Variants in TUT1 observed in about 807,000 individuals in gnomAD.
TUT1 encodes the protein speckle targeted PIP5K1A-regulated poly(A) polymerase.
TUT1 carries 26 observed loss-of-function variants against 48.8 expected under a neutral mutation model. The observed-to-expected ratio is 0.53, with a 90% CI of 0.39 to 0.74. The LOEUF is 0.74. TUT1 is among the 30% of genes least tolerant of loss of function. The pLI, the probability that TUT1 is intolerant of heterozygous loss-of-function variation, is 0.00. For synonymous variants in TUT1, 470 were observed against 460.8 expected, an observed-to-expected ratio of 1.02 and a Z score of -0.26; for missense variants, 1,065 against 1,114.8, an observed-to-expected ratio of 0.96 and a Z score of 0.64.
chr11:62,577,338 A>T, intron 5 of TUT1, 47 bp from the exon 6 acceptor site: 2 of 1,447,324 alleles, frequency 1.4e-6, no homozygotes, highest in South Asian at 2.4e-5. Flanking sequence ...GGATGTCAGA[A>T]CCTACCACCC....
intron 2 of TUT1, among the ~76,000 whole-genome samples, chr11:62,586,045 T>C (rs915172234): frequency 3.9e-5 from 6 of 152,014 alleles, no homozygotes; most frequent in East Asian, 1.9e-4. Flanking sequence ...GAGTTTGCGG[T>C]GAGCTGAGAT....
At chr11:62,580,142 T>C (rs1310294467) in intron 4 of TUT1, among the ~76,000 whole-genome samples, 1 of 151,942 alleles carries the variant, frequency 6.6e-6, no homozygotes, top group Non-Finnish European at 1.5e-5. Flanking sequence ...CTAAACAGAA[T>C]CTGTACATTA....
Position 62,575,494 on chromosome 11 carries a change from C to G in TUT1, c.2225G>C (p.Gly742Ala), listed in dbSNP as rs1941705168. 6.2e-7 allele frequency: 1 copy of G among 1,612,614 alleles called. No individual in the cohort carries two copies. The highest frequency in any genetic ancestry group is 1.3e-5 in the African/African-American group (1 of 74,938). ...HAALAERGPKGHEAAQEWSQG... is the reference protein window; with the variant it reads ...HAALAERGPKAHEAAQEWSQG... ...AGACCATTCTTGGGCTGCCTCATGT[C>G]CCTTGGGCCCCCGCTCTGCCAGGGC... The change falls in exon 9 of 9, where the codon GGA becomes GCA. Residue 742 changes from glycine to alanine, a missense_variant. By Grantham distance (60) the Gly-to-Ala change is moderately conservative (BLOSUM62 0). Transcript: ENST00000476907.
At chr11:62,581,972 C>T (rs1941835147) in intron 2 of TUT1, among the ~76,000 whole-genome samples, 1 of 151,910 alleles carries the variant, frequency 6.6e-6, no homozygotes, top group South Asian at 2.1e-4. Context: ...ATAGTGAGAT[C>T]CCATCTCTAC....
intron 1 of TUT1, among the ~76,000 whole-genome samples, 179 bp from the exon 2 acceptor site, chr11:62,589,400 C>T (rs928688395): frequency 5.3e-5 from 8 of 150,104 alleles, no homozygotes; most frequent in Non-Finnish European, 1.2e-4. Flanking sequence ...ATAGTACATT[C>T]TTTTTTTTTT....
Position 62,576,193 on chromosome 11 carries a change from C to T in TUT1, c.1526G>A (p.Gly509Asp), listed in dbSNP as rs1406644814. The change falls in exon 9 of 9, where the codon GGC (glycine) becomes GAC (aspartate). Residue 509 changes from glycine to aspartate, a missense_variant. Gly to Asp is a moderately conservative substitution (Grantham distance 94, BLOSUM62 -1). Transcript: ENST00000476907. ...FSCVSCWDLR[G>D]SLLSLREGQA... The stretch of plus-strand genomic sequence containing the variant: ...ACCCTCCCGCAGGGACAGCAGGGAG[C>T]CACGAAGATCCCAACAAGATACACA... 6.2e-7 allele frequency: 1 copy of T among 1,607,706 alleles called. No homozygotes were observed. The highest frequency in any genetic ancestry group is 8.5e-7 in the Non-Finnish European group (1 of 1,177,048).
At chr11:62,584,697 G>A (rs548531071) in intron 2 of TUT1, among the ~76,000 whole-genome samples, 3 of 152,112 alleles carry the variant, frequency 2.0e-5, no homozygotes, top group African/African-American at 7.2e-5. Flanking sequence ...ACCTGCCTCG[G>A]CCTCCCAAAG....
In TUT1 at chr11:62,576,620, A is replaced by G. The variant is rs762473505; in HGVS notation, c.1474+37T>C. 5 of 1,562,772 alleles carry G rather than the reference A, an allele frequency of 3.2e-6. No individual in the cohort carries two copies. The Admixed American group carries it at 5.0e-5, about 16-fold the overall frequency. On this transcript the variant is annotated intron_variant, in intron 8 of 8. Coordinates refer to ENST00000476907, the MANE Select transcript of TUT1 (RefSeq NM_022830.3). Reference sequence around the variant, plus strand: ...TATATGTTACCTACTGTTGATGAACATCATTACTAGTCCTCTACCAGGCTC... The same window carrying G: ...TATATGTTACCTACTGTTGATGAACGTCATTACTAGTCCTCTACCAGGCTC...
intron 2 of TUT1, 35 bp from the exon 3 acceptor site, chr11:62,581,736 G>GC: frequency 2.2e-6 from 3 of 1,340,314 alleles, no homozygotes; most frequent in South Asian, 4.2e-5. Flanking sequence ...GATGATTTTG[G>GC]AACCAAGAAT....
intron 5 of TUT1, 99 bp from the exon 6 acceptor site, chr11:62,577,390 A>C: frequency 1.1e-6 from 1 of 898,686 alleles, no homozygotes; most frequent in South Asian, 1.5e-5. Context: ...GCCAGCTGGA[A>C]TAAGGCCAGA....
At chr11:62,577,799 C>T (rs1393370289) in intron 5 of TUT1, among the ~76,000 whole-genome samples, 1 of 152,174 alleles carries the variant, frequency 6.6e-6, no homozygotes, top group Admixed American at 6.5e-5. Flanking sequence ...CGGTGCCTCA[C>T]GCCTGTAATC....
At position 62,576,903 on chromosome 11, in the gene TUT1, G is replaced by A. The variant is rs766135129; in HGVS notation, c.1381+4C>T. 2 of 1,613,750 alleles carry A rather than the reference G, an allele frequency of 1.2e-6. No homozygotes were observed. The highest frequency in any genetic ancestry group is 2.7e-5 in the African/African-American group (2 of 75,038). ...ATGGAGAGGGTGGAGGCTAGGCCGA[G>A]TACCTGCTTTCTGGGTGAGCTGGGA... On this transcript the variant is annotated splice_donor_region_variant and intron_variant, in intron 7 of 8. Coordinates refer to ENST00000476907, the MANE Select transcript of TUT1 (RefSeq NM_022830.3).
rs745358912 is a variant in TUT1, at chr11:62,589,236, G to A, written c.83-15C>T. The A allele has an allele frequency of 9.3e-6, 15 of 1,612,366 alleles. No homozygotes were observed. In the Admixed American group the frequency reaches 2.3e-4, roughly 25 times the overall value. ...AAGGCTGGGTCCTGCAAAGACAAGT[G>A]TGAGACAAAAACATGCAAAGCACTC... is the stretch of plus-strand genomic sequence containing the variant. On this transcript the variant is annotated splice_polypyrimidine_tract_variant and intron_variant, in intron 1 of 8. Transcript: ENST00000476907.
chr11:62,583,800 C>A (rs1443848239), intron 2 of TUT1, among the ~76,000 whole-genome samples: 1 of 152,024 alleles, frequency 6.6e-6, no homozygotes, highest in African/African-American at 2.4e-5. Flanking sequence ...GAATTGAGAC[C>A]CTGAAAGAAA....
In TUT1 at chr11:62,591,459, T is replaced by C. The variant is rs575729500; in HGVS notation, c.27A>G (p.Glu9=). MAAVDSDV[E]SLPRGGFRCC... is the part of the protein sequence containing the mutation. The stretch of plus-strand genomic sequence containing the variant: ...AGCGGAACCCCCCACGCGGCAGCGA[T>C]TCGACATCCGAATCCACCGCCGCCA... The change falls in exon 1 of 9, where the codon GAA becomes GAG. Residue 9 remains glutamate (E), a synonymous_variant. Transcript: ENST00000476907. 11 of 1,611,570 alleles carry C rather than the reference T, an allele frequency of 6.8e-6. No individual in the cohort carries two copies. The highest frequency in any genetic ancestry group is 1.7e-5 in the Admixed American group (1 of 59,664).
At position 62,577,220 on chromosome 11, in the gene TUT1, T is replaced by TA; in HGVS notation, c.1231dup (p.Tyr411LeufsTer21). 6.2e-7 allele frequency: 1 copy of TA among 1,611,310 alleles called. No individual in the cohort carries two copies. The highest frequency in any genetic ancestry group is 8.5e-7 in the Non-Finnish European group (1 of 1,179,194). The stretch of plus-strand genomic sequence containing the variant: ...ACCCTGAGCCCAGCAGCGGAGGGTG[T>TA]ACACGAGGGGCCGGACTCGACCATC... On this transcript the variant is annotated frameshift_variant, in exon 6 of 9. Coordinates refer to ENST00000476907, the MANE Select transcript of TUT1 (RefSeq NM_022830.3). LOFTEE classifies it high-confidence loss of function.
intron 2 of TUT1, among the ~76,000 whole-genome samples, chr11:62,585,823 C>T (rs911772989): frequency 2.0e-5 from 3 of 152,012 alleles, no homozygotes; most frequent in East Asian, 1.9e-4. Context: ...AGGCCTGGCA[C>T]GGTGGCGCAC....
intron 2 of TUT1, 108 bp from the exon 3 acceptor site, chr11:62,581,809 A>C (rs1048260458): frequency 2.0e-6 from 2 of 1,020,536 alleles, no homozygotes; most frequent in South Asian, 2.7e-5. Context: ...TAAATTGAGA[A>C]TATTTGCTTG....
At chr11:62,580,503 G>GTA (rs1286301455) in intron 4 of TUT1, among the ~76,000 whole-genome samples, 1 of 147,404 alleles carries the variant, frequency 6.8e-6, no homozygotes, top group Non-Finnish European at 1.5e-5. Context: ...GGACCTTATT[G>GTA]TATAATTTTA....
Sources: allele counts gnomAD v4.1 joint callset (sites outside exome capture counted in the v4.1 genomes callset), GRCh38; gene constraint gnomAD v4.1.1; transcripts MANE v1.5; gene names NCBI Gene and HGNC (gene_info 2026-07-23, HGNC 2026-07-21).